Variants in ANKUB1 observed in about 807,000 individuals in gnomAD.
ANKUB1 encodes protein ANKUB1.
In ANKUB1, 42 loss-of-function variants were observed where a neutral mutation model predicts 49.3. The ratio of observed to expected loss-of-function variants is 0.85; its 90% confidence interval spans 0.67 to 1.10. ANKUB1 has a LOEUF of 1.10. Ranked by LOEUF, ANKUB1 falls within the 50% of genes least tolerant of loss-of-function variation. The probability of loss-of-function intolerance (pLI) is 0.00; values close to 1 mark genes in which losing one functional copy is unlikely to be tolerated. For synonymous variants in ANKUB1, 222 were observed against 231.0 expected (o/e 0.96, Z 0.35); for missense variants, 613 against 642.0 (o/e 0.95, Z 0.49).
At chr3:149,786,052 T>C (rs890016628) in intron 2 of ANKUB1, among the ~76,000 whole-genome samples, 1 of 152,212 alleles carries the variant, frequency 6.6e-6, no homozygotes, top group Non-Finnish European at 1.5e-5. Context: ...TATTTATTTT[T>C]TGAGACAGAG....
intron 2 of ANKUB1, among the ~76,000 whole-genome samples, chr3:149,786,787 C>G (rs1011870959): frequency 1.6e-4 from 24 of 151,980 alleles, no homozygotes; most frequent in Admixed American, 1.6e-3. Context: ...CAACTTTCTA[C>G]TTTGGCTAGC....
chr3:149,770,432 T>C (rs533687850), intron 4 of ANKUB1, 128 bp downstream of exon 4: 1 of 673,326 alleles, frequency 1.5e-6, no homozygotes, highest in East Asian at 2.8e-5. Context: ...GGTTGAGACA[T>C]ACTAAGTGGA....
At chr3:149,773,261 C>T (rs915557285) in intron 3 of ANKUB1, among the ~76,000 whole-genome samples, 1 of 152,168 alleles carries the variant, frequency 6.6e-6, no homozygotes, top group African/African-American at 2.4e-5. Flanking sequence ...AACCTGTAAT[C>T]TTGAAATGGG....
intron 2 of ANKUB1, among the ~76,000 whole-genome samples, chr3:149,790,367 C>T (rs1463165512): frequency 6.6e-6 from 1 of 152,098 alleles, no homozygotes; most frequent in Non-Finnish European, 1.5e-5. Flanking sequence ...GTAGAAAATT[C>T]CCTTTCATTC....
intron 1 of ANKUB1, 76 bp downstream of exon 1, chr3:149,792,201 C>T (rs1387072117): frequency 3.8e-6 from 4 of 1,042,750 alleles, no homozygotes; most frequent in African/African-American, 1.7e-5. Context: ...AGCATCTCTA[C>T]CCTTTGTACA....
chr3:149,792,226 G>A (rs1401125865), intron 1 of ANKUB1, 51 bp downstream of exon 1: 9 of 1,316,420 alleles, frequency 6.8e-6, no homozygotes, highest in Non-Finnish European at 9.2e-6. Flanking sequence ...TAAATGCACT[G>A]CATTGTTAAA....
chr3:149,768,399 A>G (rs911373874), intron 4 of ANKUB1, among the ~76,000 whole-genome samples: 7 of 151,096 alleles, frequency 4.6e-5, no homozygotes, highest in Non-Finnish European at 8.8e-5. Context: ...AAGTCTGATC[A>G]TGTACATTCT....
intron 4 of ANKUB1, among the ~76,000 whole-genome samples, chr3:149,770,291 T>C (rs1476532006): frequency 6.6e-6 from 1 of 152,200 alleles, no homozygotes; most frequent in Non-Finnish European, 1.5e-5. Context: ...TTGGCATCCC[T>C]AACCCCTGCA....
At chr3:149,772,246 C>T (rs535419324) in intron 3 of ANKUB1, among the ~76,000 whole-genome samples, 1 of 152,242 alleles carries the variant, frequency 6.6e-6, no homozygotes, top group South Asian at 2.1e-4. Context: ...ATCTCGAACT[C>T]CTAACTTCAA....
rs542299625 is a variant in ANKUB1 at position 149,786,915 on chromosome 3, T to C, written c.234+3866A>G. Among the ~76,000 whole-genome samples, 52 of 152,298 alleles carry C rather than the reference T, an allele frequency of 3.4e-4. No individual in the cohort carries two copies. The East Asian group carries it at 9.8e-3, about 29-fold the overall frequency. ...TGATATTATTTCTGAGGGCTCTGTC[T>C]TGTTCCATTGGTCTATATATCTGTT... On this transcript the variant is annotated intron_variant, in intron 2 of 5. Transcript: ENST00000446160.
chr3:149,780,109 A>C, intron 3 of ANKUB1, 130 bp downstream of exon 3: 1 of 738,708 alleles, frequency 1.4e-6, no homozygotes, highest in East Asian at 2.7e-5. Flanking sequence ...TTTAAAGTGA[A>C]TATGTAAATA....
intron 4 of ANKUB1, among the ~76,000 whole-genome samples, chr3:149,768,611 G>A (rs1717179002): frequency 6.6e-6 from 1 of 151,644 alleles, no homozygotes; most frequent in African/African-American, 2.4e-5. Flanking sequence ...ATGCAATCTT[G>A]GCTCACTGCA....
chr3:149,788,646 A>G (rs1718220952), intron 2 of ANKUB1, among the ~76,000 whole-genome samples: 1 of 152,224 alleles, frequency 6.6e-6, no homozygotes, highest in Non-Finnish European at 1.5e-5. Context: ...TGAAGCTTGC[A>G]TCACTGTGAT....
chr3:149,761,733 G>C (rs888261919), intron 5 of ANKUB1, 120 bp from the exon 6 acceptor site: 5 of 1,064,134 alleles, frequency 4.7e-6, no homozygotes, highest in Non-Finnish European at 6.5e-6. Flanking sequence ...TTGTCACATA[G>C]GTAGATGTGA....
intron 5 of ANKUB1, chr3:149,764,033 C>G (rs927498283): frequency 1.5e-5 from 7 of 456,086 alleles, no homozygotes; most frequent in African/African-American, 1.4e-4. Context: ...CCACCTGATC[C>G]CTGGGTCAGC....
At chr3:149,769,327 C>T (rs1272070493) in intron 4 of ANKUB1, among the ~76,000 whole-genome samples, 13 of 152,168 alleles carry the variant, frequency 8.5e-5, no homozygotes, top group Non-Finnish European at 1.3e-4. Context: ...CAGCTATACC[C>T]GTTACACTTT....
intron 2 of ANKUB1, among the ~76,000 whole-genome samples, 177 bp from the exon 3 acceptor site, chr3:149,780,632 A>G (rs1217055168): frequency 6.6e-6 from 1 of 152,174 alleles, no homozygotes; most frequent in African/African-American, 2.4e-5. Flanking sequence ...CTGAGATATT[A>G]ACAGGTCCCC....
chr3:149,775,489 A>C (rs1374771701), intron 3 of ANKUB1, among the ~76,000 whole-genome samples: 1 of 152,098 alleles, frequency 6.6e-6, no homozygotes, highest in Non-Finnish European at 1.5e-5. Flanking sequence ...AAAGGAATTA[A>C]AATAGCACCA....
At position 149,770,647 on chromosome 3, in the gene ANKUB1, T is replaced by C. The variant is rs576764040; in HGVS notation, c.479A>G (p.Asp160Gly). 5 of 1,549,924 alleles carry C rather than the reference T, an allele frequency of 3.2e-6. No homozygotes were observed. In the South Asian group the frequency reaches 3.6e-5, roughly 11 times the overall value. Residue 160 changes from aspartate to glycine, a missense_variant, in exon 4 of 6, where the codon GAT becomes GGT. Physicochemically the swap from Asp to Gly is moderately conservative, Grantham distance 94. Transcript: ENST00000446160. ...IGTTLRLDVWDGWKEFLMGCL... is the reference protein window; with the variant it reads ...IGTTLRLDVWGGWKEFLMGCL... ...ACCCATCAGAAATTCCTTCCATCCA[T>C]CCCAGACATCCAAGCGAAGTGTTGT...
Sources: allele counts gnomAD v4.1 joint callset (sites outside exome capture counted in the v4.1 genomes callset), GRCh38; gene constraint gnomAD v4.1.1; transcripts MANE v1.5; gene names NCBI Gene and HGNC (gene_info 2026-07-23, HGNC 2026-07-21).